The following IARS1 variants were observed in gnomAD, a reference collection of about 807,000 sequenced individuals.
IARS1 encodes isoleucine--tRNA ligase, cytoplasmic.
Under a neutral mutation model 168.2 loss-of-function variants are expected in IARS1, and 124 were observed. The ratio of observed to expected loss-of-function variants is 0.74; its 90% CI spans 0.64 to 0.86. The LOEUF (loss-of-function observed/expected upper bound fraction) is 0.86, where lower values mean the gene tolerates loss of function less well. IARS1 is among the 40% of genes least tolerant of loss of function. The probability of loss-of-function intolerance (pLI) is 0.00; values close to 1 mark genes in which losing one functional copy is unlikely to be tolerated. For synonymous variants in IARS1, 532 were observed against 529.4 expected (o/e 1.00, Z -0.07); for missense variants, 1,452 against 1,515.8 (o/e 0.96, Z 0.70).
chr9:92,235,289 T>C (rs1827314294), intron 30 of IARS1, among the ~76,000 whole-genome samples: 1 of 152,220 alleles, frequency 6.6e-6, no homozygotes, highest in African/African-American at 2.4e-5. Context: ...GATTGCCTTG[T>C]TCCTGATTTT....
intron 17 of IARS1, among the ~76,000 whole-genome samples, chr9:92,261,933 G>C (rs928084135): frequency 2.0e-5 from 3 of 152,034 alleles, no homozygotes; most frequent in Non-Finnish European, 4.4e-5. Context: ...ATTTTTAGTA[G>C]AGACGGGGGT....
At chr9:92,265,277 T>C (rs1007442212) in intron 15 of IARS1, among the ~76,000 whole-genome samples, 154 bp from the exon 16 acceptor site, 2 of 152,214 alleles carry the variant, frequency 1.3e-5, no homozygotes, top group South Asian at 2.1e-4. Context: ...GAGAGCACCA[T>C]GAATCCTCCA....
rs144032273 is a variant in IARS1 at position 92,221,899 on chromosome 9, G to T, written c.3706+621C>A. Among the ~76,000 whole-genome samples, 260 of 152,228 alleles carry T rather than the reference G, an allele frequency of 1.7e-3. 1 individual carries two copies. The highest frequency in any genetic ancestry group is 6.0e-3 in the African/African-American group (249 of 41,542). ...AACCCTGTGATAATTTTGACTTTTG[G>T]GGGAAAGAACAATTTTAGGGTCAGC... On this transcript the variant is annotated intron_variant, in intron 33 of 33. Transcript: ENST00000443024.
rs113642328 is a variant in IARS1 at position 92,263,976 on chromosome 9, A to G, written c.1701-921T>C. On this transcript the variant is annotated intron_variant, in intron 16 of 33. Transcript: ENST00000443024. Reference sequence around the variant, plus strand: ...ATTCAATGATTACCCAAAGCTGTCAAAGAGAGAAAATGACACCAACAATTC... The same window carrying G: ...ATTCAATGATTACCCAAAGCTGTCAGAGAGAGAAAATGACACCAACAATTC... 3.9e-5 allele frequency among the ~76,000 whole-genome samples: 6 copies of G among 152,366 alleles called. 1 individual carries two copies. The highest frequency in any genetic ancestry group is 1.4e-4 in the African/African-American group (6 of 41,594).
intron 30 of IARS1, among the ~76,000 whole-genome samples, chr9:92,229,560 C>T (rs555116984): frequency 2.6e-5 from 4 of 152,226 alleles, no homozygotes; most frequent in Non-Finnish European, 4.4e-5. Flanking sequence ...CCACAGGTCA[C>T]GATGGTTAAA....
chr9:92,229,519 T>C (rs1180428139), intron 30 of IARS1, among the ~76,000 whole-genome samples: 2 of 152,194 alleles, frequency 1.3e-5, no homozygotes, highest in African/African-American at 2.4e-5. Flanking sequence ...TTTATGATTG[T>C]CATTTTTCAT....
At chr9:92,233,502 A>G (rs942389022) in intron 30 of IARS1, among the ~76,000 whole-genome samples, 4 of 152,254 alleles carry the variant, frequency 2.6e-5, no homozygotes, top group Non-Finnish European at 4.4e-5. Flanking sequence ...TGTTAAGATC[A>G]CACCATTGGA....
At chr9:92,237,634 C>T (rs932770000) in intron 30 of IARS1, among the ~76,000 whole-genome samples, 1 of 152,128 alleles carries the variant, frequency 6.6e-6, no homozygotes, top group Non-Finnish European at 1.5e-5. Flanking sequence ...TTTTGTAACT[C>T]TTTTGTTAGA....
At chr9:92,270,399 C>G (rs543178294) in intron 12 of IARS1, among the ~76,000 whole-genome samples, 1 of 152,192 alleles carries the variant, frequency 6.6e-6, no homozygotes, top group Admixed American at 6.5e-5. Context: ...TTTAGAGATG[C>G]TTCTCATCCT....
At chr9:92,247,110 C>T (rs1382718700) in intron 26 of IARS1, among the ~76,000 whole-genome samples, 3 of 152,132 alleles carry the variant, frequency 2.0e-5, no homozygotes, top group African/African-American at 7.2e-5. Context: ...AGGAGAATCA[C>T]TTGAACCTGG....
intron 27 of IARS1, 23 bp from the exon 28 acceptor site, chr9:92,243,334 C>T (rs753145947): frequency 6.7e-7 from 1 of 1,489,800 alleles, no homozygotes; most frequent in South Asian, 1.1e-5. Context: ...ACAGTGCACA[C>T]CATGACAATC....
At chr9:92,242,092 T>G in intron 29 of IARS1, 62 bp downstream of exon 29, 1 of 1,280,142 alleles carries the variant, frequency 7.8e-7, no homozygotes, top group Non-Finnish European at 1.1e-6. Context: ...AACACGTGAG[T>G]ACACAAAGTC....
chr9:92,230,249 T>G (rs907729016), intron 30 of IARS1, among the ~76,000 whole-genome samples: 1 of 152,144 alleles, frequency 6.6e-6, no homozygotes, highest in African/African-American at 2.4e-5. Flanking sequence ...TAGCTGGGAT[T>G]ACAAGCACCC....
intron 1 of IARS1, among the ~76,000 whole-genome samples, chr9:92,291,133 G>A (rs868047971): frequency 6.6e-6 from 1 of 151,978 alleles, no homozygotes; most frequent in African/African-American, 2.4e-5. Flanking sequence ...TATCTAGTGA[G>A]CCACCCTTGA....
intron 28 of IARS1, 149 bp from the exon 29 acceptor site, chr9:92,242,479 G>C: frequency 1.6e-6 from 1 of 617,284 alleles, no homozygotes; most frequent in Non-Finnish European, 2.8e-6. Flanking sequence ...TGATCCGTAA[G>C]ACTAACTGCA....
chr9:92,275,300 A>G (rs941253113), intron 9 of IARS1, among the ~76,000 whole-genome samples: 1 of 152,234 alleles, frequency 6.6e-6, no homozygotes. Context: ...TGCATTTCAC[A>G]GATGAGCAAG....
chr9:92,242,123 T>C (rs746087909), intron 29 of IARS1, 31 bp downstream of exon 29: 6 of 1,563,614 alleles, frequency 3.8e-6, no homozygotes, highest in Non-Finnish European at 5.3e-6. Flanking sequence ...TGAAACCCTT[T>C]AGTAGTAGTT....
Position 92,277,891 on chromosome 9 carries a change from TACTTCTTGCCTTTA to T in IARS1, c.852_865del (p.Lys285GlnfsTer5). On this transcript the variant is annotated frameshift_variant, in exon 9 of 34. Transcript: ENST00000443024. LOFTEE classifies it high-confidence loss of function. ...CAGGAAATAGTCAAACAGGGGCCTG[TACTTCTTGCCTTTA>T]AGATAGGCACCAGGAAATCTAGAAA... 6 of 1,613,932 alleles carry T rather than the reference TACTTCTTGCCTTTA, an allele frequency of 3.7e-6. No homozygotes were observed. Among genetic ancestry groups the T allele is most frequent in the Non-Finnish European group, 5.1e-6 (6 of 1,179,918 alleles).
At chr9:92,259,202 G>A (rs555834245) in intron 18 of IARS1, among the ~76,000 whole-genome samples, 46 of 152,270 alleles carry the variant, frequency 3.0e-4, no homozygotes, top group African/African-American at 9.9e-4. Flanking sequence ...TATAAAAGAC[G>A]TATATAATCT....
Sources: allele counts gnomAD v4.1 joint callset (sites outside exome capture counted in the v4.1 genomes callset), GRCh38; gene constraint gnomAD v4.1.1; transcripts MANE v1.5; gene names NCBI Gene and HGNC (gene_info 2026-07-23, HGNC 2026-07-21).